The following GLT1D1 variants were observed in gnomAD, a reference collection of about 807,000 sequenced individuals.
GLT1D1 encodes glycosyltransferase 1 domain-containing protein 1.
Under a neutral mutation model 28.7 loss-of-function variants are expected in GLT1D1, and 21 were observed. That is an observed-to-expected ratio of 0.73 (90% CI 0.52 to 1.05). The LOEUF (loss-of-function observed/expected upper bound fraction) is 1.05. Among genes scored for constraint, GLT1D1 ranks in the 50% least tolerant of loss-of-function variants. The pLI, the probability that GLT1D1 is intolerant of heterozygous loss-of-function variation, is 0.00. For missense variants in GLT1D1, 343 were observed against 330.6 expected, an observed-to-expected ratio of 1.04 and a Z score of -0.29; for synonymous variants, 147 against 124.8, an observed-to-expected ratio of 1.18 and a Z score of -1.19.
chr12:128,966,830 C>T (rs1878504593), intron 7 of GLT1D1, among the ~76,000 whole-genome samples: 1 of 152,032 alleles, frequency 6.6e-6, no homozygotes, highest in South Asian at 2.1e-4. Context: ...CATATTCAGC[C>T]CTGGTAGGAA....
chr12:128,931,309 A>ATT (rs564088151), intron 4 of GLT1D1, among the ~76,000 whole-genome samples: 1,273 of 108,828 alleles, frequency 0.012, 29 homozygotes, highest in African/African-American at 0.04. Context: ...CCACTTTTTA[A>ATT]TTTTTTTTTT....
intron 6 of GLT1D1, among the ~76,000 whole-genome samples, chr12:128,953,152 C>G (rs1876906161): frequency 6.6e-6 from 1 of 152,080 alleles, no homozygotes; most frequent in African/African-American, 2.4e-5. Flanking sequence ...TAGTCAAACC[C>G]CTTGCCCACT....
At chr12:128,906,860 T>G (rs1277130415) in intron 4 of GLT1D1, 1 of 700,844 alleles carries the variant, frequency 1.4e-6, no homozygotes, top group Non-Finnish European at 2.6e-6. Context: ...GTAATTTTAC[T>G]TTGTGTACAT....
At chr12:128,920,772 C>T (rs1210776873) in intron 4 of GLT1D1, among the ~76,000 whole-genome samples, 1 of 152,146 alleles carries the variant, frequency 6.6e-6, no homozygotes, top group African/African-American at 2.4e-5. Flanking sequence ...TACCGTTCTC[C>T]AGGAAATGGT....
chr12:128,899,426 C>A, intron 4 of GLT1D1, 139 bp downstream of exon 4: 1 of 697,780 alleles, frequency 1.4e-6, no homozygotes, highest in Non-Finnish European at 2.6e-6. Flanking sequence ...TTATGTTTCC[C>A]ATAGATTGAT....
intron 1 of GLT1D1, among the ~76,000 whole-genome samples, chr12:128,870,072 A>G (rs11059988): frequency 0.23 from 34,238 of 151,060 alleles, 4,190 homozygotes; most frequent in Middle Eastern, 0.32. Flanking sequence ...CACCATACCC[A>G]GCTACTTTTT....
At chr12:128,930,126 G>T (rs1361227255) in intron 4 of GLT1D1, 4 of 152,232 alleles carry the variant, frequency 2.6e-5, no homozygotes, top group African/African-American at 9.6e-5. Context: ...TGCTAGCATT[G>T]TAGTAGTAAC....
chr12:128,922,393 T>C (rs1593135583), intron 4 of GLT1D1, among the ~76,000 whole-genome samples: 1 of 152,222 alleles, frequency 6.6e-6, no homozygotes, highest in African/African-American at 2.4e-5. Flanking sequence ...TGCCTAGTAA[T>C]GTAGGCTTGG....
intron 7 of GLT1D1, among the ~76,000 whole-genome samples, chr12:128,959,159 T>C (rs1197539060): frequency 6.6e-6 from 1 of 151,876 alleles, no homozygotes; most frequent in Non-Finnish European, 1.5e-5. Context: ...TAAAAAAATA[T>C]TAGGTTTTAC....
chr12:128,872,116 T>C (rs1019626788), intron 1 of GLT1D1, among the ~76,000 whole-genome samples: 1 of 152,062 alleles, frequency 6.6e-6, no homozygotes, highest in Non-Finnish European at 1.5e-5. Flanking sequence ...CATGCCCAGC[T>C]AATTTTTTTG....
intron 7 of GLT1D1, among the ~76,000 whole-genome samples, chr12:128,958,113 G>A (rs756594402): frequency 3.3e-5 from 5 of 152,176 alleles, no homozygotes; most frequent in Non-Finnish European, 7.3e-5. Flanking sequence ...CCTGTCCATC[G>A]GTCCAGCTGG....
At chr12:128,966,839 A>G (rs1198799234) in intron 7 of GLT1D1, among the ~76,000 whole-genome samples, 1 of 152,192 alleles carries the variant, frequency 6.6e-6, no homozygotes, top group African/African-American at 2.4e-5. Context: ...CCCTGGTAGG[A>G]ACAGAATAAT....
intron 4 of GLT1D1, among the ~76,000 whole-genome samples, chr12:128,941,569 C>CTTTTTTTTT (rs550204231): frequency 7.4e-5 from 8 of 107,572 alleles, no homozygotes; most frequent in East Asian, 2.9e-4. Context: ...CTCTCTTTCT[C>CTTTTTTTTT]TTTTTTTTTT....
intron 7 of GLT1D1, among the ~76,000 whole-genome samples, chr12:128,982,036 T>TC (rs1462716886): frequency 1.3e-5 from 2 of 152,174 alleles, no homozygotes; most frequent in Non-Finnish European, 2.9e-5. Flanking sequence ...TAATTTTTTT[T>TC]CCAATCCTGA....
intron 4 of GLT1D1, among the ~76,000 whole-genome samples, chr12:128,904,196 T>A (rs1870600458): frequency 6.6e-6 from 1 of 151,820 alleles, no homozygotes; most frequent in African/African-American, 2.4e-5. Flanking sequence ...TACAATGTTT[T>A]CGAGAATAAT....
chr12:128,941,586 T>A (rs1593164830), intron 4 of GLT1D1, among the ~76,000 whole-genome samples: 1 of 149,124 alleles, frequency 6.7e-6, no homozygotes, highest in East Asian at 2.0e-4. Context: ...TTTTTTTTTT[T>A]TTTTGAGACA....
chr12:128,976,076 C>T (rs1356936852), intron 7 of GLT1D1, among the ~76,000 whole-genome samples: 1 of 152,154 alleles, frequency 6.6e-6, no homozygotes, highest in African/African-American at 2.4e-5. Flanking sequence ...GGGATGGTGC[C>T]GTGTACAAGA....
chr12:128,913,344 C>G (rs527544758), intron 4 of GLT1D1, among the ~76,000 whole-genome samples: 2 of 152,114 alleles, frequency 1.3e-5, no homozygotes, highest in African/African-American at 2.4e-5. Flanking sequence ...CTCAGCCTCC[C>G]GAGTAGCTGG....
At chr12:128,963,576 G>A (rs189413244) in intron 7 of GLT1D1, among the ~76,000 whole-genome samples, 1 of 152,202 alleles carries the variant, frequency 6.6e-6, no homozygotes, top group Admixed American at 6.5e-5. Flanking sequence ...AACCCGGGGG[G>A]TGGAGGTTGC....
Sources: gnomAD v4.1 joint callset for allele counts (sites outside exome capture counted in the v4.1 genomes callset) on GRCh38, gnomAD v4.1.1 for gene constraint, MANE v1.5 for transcripts, NCBI Gene and HGNC (gene_info 2026-07-23, HGNC 2026-07-21) for gene names.